AGAP1: variants seen among roughly 807,000 people sequenced by gnomAD.
The protein encoded by AGAP1 is ArfGAP with GTPase domain, ankyrin repeat and PH domain 1.
In AGAP1, 29 loss-of-function variants were observed where a neutral mutation model predicts 105.3. The observed-to-expected ratio is 0.28, with a 90% CI of 0.21 to 0.38. AGAP1 has a LOEUF of 0.38. Among genes scored for constraint, AGAP1 ranks in the 10% least tolerant of loss-of-function variants. The pLI is 1.00. For synonymous variants in AGAP1, 509 were observed against 485.9 expected, an observed-to-expected ratio of 1.05 and a Z score of -0.63; for missense variants, 998 against 1,165.1, an observed-to-expected ratio of 0.86 and a Z score of 2.09.
chr2:236,072,175 C>T (rs1390117962), intron 16 of AGAP1: 2 of 139,932 alleles, frequency 1.4e-5, no homozygotes, highest in African/African-American at 5.3e-5. Flanking sequence ...GGCACAGTGG[C>T]TCACGCCTAT....
intron 6 of AGAP1, among the ~76,000 whole-genome samples, chr2:235,783,587 C>T (rs551594570): frequency 3.9e-5 from 6 of 152,182 alleles, no homozygotes; most frequent in East Asian, 1.9e-4. Context: ...TTTTTATGGA[C>T]GTACCCACAA....
intron 1 of AGAP1, among the ~76,000 whole-genome samples, chr2:235,693,012 C>A (rs544607379): frequency 1.3e-5 from 2 of 152,056 alleles, no homozygotes; most frequent in Admixed American, 1.3e-4. Flanking sequence ...CCAGTGTGGA[C>A]TGTAGAGTGT....
At chr2:235,562,507 A>G (rs6718006) in intron 1 of AGAP1, among the ~76,000 whole-genome samples, 61,516 of 151,890 alleles carry the variant, frequency 0.41, 13,126 homozygotes, top group Admixed American at 0.51. Context: ...CAACTCGCCA[A>G]GGTGCCTCCC....
At chr2:235,944,038 A>G (rs1198714727) in intron 12 of AGAP1, among the ~76,000 whole-genome samples, 1 of 152,216 alleles carries the variant, frequency 6.6e-6, no homozygotes, top group Non-Finnish European at 1.5e-5. Context: ...ACTCTTTTAT[A>G]TGAGAAGAAA....
At chr2:235,581,132 A>G (rs1368940237) in intron 1 of AGAP1, among the ~76,000 whole-genome samples, 8 of 100,856 alleles carry the variant, frequency 7.9e-5, no homozygotes, top group African/African-American at 4.4e-4. Context: ...CCCCATCTCA[A>G]GCAAAAAAAA....
At chr2:235,495,178 G>A (rs1010494977) in intron 1 of AGAP1, among the ~76,000 whole-genome samples, 8 of 152,204 alleles carry the variant, frequency 5.3e-5, no homozygotes, top group Non-Finnish European at 8.8e-5. Context: ...GGCAGCCGGC[G>A]GGGTCGGCGC....
chr2:235,534,391 A>C (rs1171314184), intron 1 of AGAP1, among the ~76,000 whole-genome samples: 1 of 152,174 alleles, frequency 6.6e-6, no homozygotes, highest in Non-Finnish European at 1.5e-5. Context: ...AGCAGCATCC[A>C]TCTGAGGACT....
rs2054330841 is a variant in AGAP1 at position 235,964,975 on chromosome 2, A to T, written c.1484-3487A>T. Among the ~76,000 whole-genome samples the T allele has an allele frequency of 6.6e-6, 1 of 152,188 alleles. No homozygotes were observed. The highest frequency in any genetic ancestry group is 2.4e-5 in the African/African-American group (1 of 41,442). On this transcript the variant is annotated intron_variant, in intron 12 of 17. Transcript: ENST00000304032. The surrounding 1 kb of genome is among the most constrained non-coding windows in gnomAD (Gnocchi z 4.6). ...CTGCTCAAGGCAAGGGAAGTGTCTT[A>T]TTTAAACCTGCCCGCTCCCACCTCT...
In AGAP1 at chr2:235,979,473, G is replaced by C. The variant is rs1467618745; in HGVS notation, c.1645+10850G>C. On this transcript the variant is annotated intron_variant, in intron 13 of 17. Transcript: ENST00000304032. The surrounding 1 kb of genome is among the most constrained non-coding windows in gnomAD (Gnocchi z 4.5). ...GTATTAATGCTTTGGAGAAGGTGTA[G>C]TTGAGATAAACTTTGTGTGTTTATT... 6.6e-6 allele frequency among the ~76,000 whole-genome samples: 1 copy of C among 152,170 alleles called. No homozygotes were observed. The highest frequency in any genetic ancestry group is 1.5e-5 in the Non-Finnish European group (1 of 68,038).
chr2:235,828,387 G>A (rs761239817), intron 9 of AGAP1, among the ~76,000 whole-genome samples: 5 of 152,018 alleles, frequency 3.3e-5, no homozygotes, highest in Non-Finnish European at 7.4e-5. Context: ...ACCTTAGGAG[G>A]GATAATAGCA....
chr2:236,009,272 A>C lies in AGAP1; in HGVS notation c.1646-27289A>C, dbSNP rs2056427762. On this transcript the variant is annotated intron_variant, in intron 13 of 17. Coordinates refer to ENST00000304032, the MANE Select transcript of AGAP1 (RefSeq NM_001037131.3). The surrounding 1 kb of genome is among the most constrained non-coding windows in gnomAD (Gnocchi z 4.2). ...AATGGCCAGCACAAAAGAAATCCCC[A>C]ATCTCTAACCTCACAATGAAATCGC... Among the ~76,000 whole-genome samples the C allele has an allele frequency of 6.6e-6, 1 of 152,204 alleles. No individual in the cohort carries two copies. The highest frequency in any genetic ancestry group is 1.5e-5 in the Non-Finnish European group (1 of 68,044).
intron 1 of AGAP1, among the ~76,000 whole-genome samples, chr2:235,536,719 T>A (rs1383468432): frequency 6.6e-6 from 1 of 151,616 alleles, no homozygotes; most frequent in East Asian, 1.9e-4. Flanking sequence ...AAACATGAGG[T>A]CTGCGAAGAC....
At chr2:235,626,736 C>T (rs1212132279) in intron 1 of AGAP1, among the ~76,000 whole-genome samples, 2 of 152,218 alleles carry the variant, frequency 1.3e-5, no homozygotes, top group Non-Finnish European at 2.9e-5. Context: ...TTTTAGTGCA[C>T]TTTCCAGAAT....
intron 1 of AGAP1, among the ~76,000 whole-genome samples, chr2:235,542,170 T>C (rs1205036214): frequency 6.6e-6 from 1 of 152,016 alleles, no homozygotes; most frequent in Non-Finnish European, 1.5e-5. Flanking sequence ...GCAGCTGGAC[T>C]TCAGAGCAAG....
intron 1 of AGAP1, among the ~76,000 whole-genome samples, chr2:235,561,582 C>G (rs962222401): frequency 9.9e-5 from 15 of 152,190 alleles, no homozygotes; most frequent in African/African-American, 3.6e-4. Context: ...AGGGCTGACC[C>G]TGGACAGTCC....
intron 1 of AGAP1, among the ~76,000 whole-genome samples, chr2:235,652,822 G>C (rs988534342): frequency 6.6e-6 from 1 of 152,024 alleles, no homozygotes; most frequent in African/African-American, 2.4e-5. Context: ...ATCAGGGGCA[G>C]GGAGCAGGGT....
intron 1 of AGAP1, among the ~76,000 whole-genome samples, chr2:235,630,440 A>G (rs1258695646): frequency 1.3e-5 from 2 of 152,122 alleles, no homozygotes; most frequent in African/African-American, 4.8e-5. Context: ...CGAACTCCTG[A>G]CCTCAGGTGA....
intron 13 of AGAP1, among the ~76,000 whole-genome samples, chr2:236,032,239 G>GGC (rs1390992549): frequency 6.6e-6 from 1 of 152,148 alleles, no homozygotes; most frequent in Non-Finnish European, 1.5e-5. Context: ...TATTGAATGA[G>GGC]GCAAGACAGA....
rs1182367449 is a variant in AGAP1, at chr2:235,582,868, T to G, written c.163+88019T>G. Among the ~76,000 whole-genome samples the G allele has an allele frequency of 6.6e-6, 1 of 152,232 alleles. No homozygotes were observed. Among genetic ancestry groups the G allele is most frequent in the Non-Finnish European group, 1.5e-5 (1 of 68,044 alleles). On this transcript the variant is annotated intron_variant, in intron 1 of 17. Coordinates refer to ENST00000304032, the MANE Select transcript of AGAP1 (RefSeq NM_001037131.3). The surrounding 1 kb of genome is among the most constrained non-coding windows in gnomAD (Gnocchi z 4.7). The stretch of plus-strand genomic sequence containing the variant: ...ACTGACCGACTCCAGGAGGCAGCAC[T>G]GGCAAGGATTTTGGTGAGCCTTTGA...
Sources: allele counts gnomAD v4.1 joint callset (sites outside exome capture counted in the v4.1 genomes callset), GRCh38; gene constraint gnomAD v4.1.1; non-coding constraint Gnocchi (gnomAD v3.1); transcripts MANE v1.5; gene names NCBI Gene and HGNC (gene_info 2026-07-23, HGNC 2026-07-21).